LRRC49: variants seen among roughly 807,000 people sequenced by gnomAD.
LRRC49 encodes the protein leucine-rich repeat-containing protein 49.
Under a neutral mutation model 83.3 loss-of-function variants are expected in LRRC49, and 50 were observed. The ratio of observed to expected loss-of-function variants is 0.60; its 90% CI spans 0.48 to 0.76. The LOEUF is 0.76. LRRC49 is among the 30% of genes least tolerant of loss of function. The pLI is 0.00. For synonymous variants in LRRC49, 286 were observed against 283.3 expected (o/e 1.01, Z -0.10); for missense variants, 704 against 809.1 (o/e 0.87, Z 1.58).
chr15:70,971,586 T>G (rs1429087396), intron 9 of LRRC49, among the ~76,000 whole-genome samples: 1 of 152,188 alleles, frequency 6.6e-6, no homozygotes. Context: ...TCTCCCATTA[T>G]TATTGTGTGG....
At chr15:70,917,847 G>A (rs184231900) in intron 6 of LRRC49, among the ~76,000 whole-genome samples, 1 of 152,152 alleles carries the variant, frequency 6.6e-6, no homozygotes, top group African/African-American at 2.4e-5. Flanking sequence ...CACAGAATTT[G>A]GGACCCCAGA....
chr15:70,869,263 C>T (rs954637087), intron 1 of LRRC49, among the ~76,000 whole-genome samples: 1 of 152,126 alleles, frequency 6.6e-6, no homozygotes, highest in African/African-American at 2.4e-5. Flanking sequence ...GACATGTTAA[C>T]AGTAATGATT....
intron 15 of LRRC49, among the ~76,000 whole-genome samples, chr15:71,040,988 T>TC (rs2039684943): frequency 6.6e-6 from 1 of 152,122 alleles, no homozygotes; most frequent in African/African-American, 2.4e-5. Context: ...AACAGGGACT[T>TC]CATTCCCACA....
intron 9 of LRRC49, among the ~76,000 whole-genome samples, chr15:70,971,723 A>G (rs1402767201): frequency 6.6e-6 from 1 of 150,894 alleles, no homozygotes; most frequent in African/African-American, 2.4e-5. Flanking sequence ...TTATTATGCA[A>G]TGCCCTTCTT....
At chr15:70,860,312 G>A in intron 1 of LRRC49, 1 of 525,556 alleles carries the variant, frequency 1.9e-6, no homozygotes, top group East Asian at 3.3e-5. Flanking sequence ...TTTACTGCCT[G>A]GGGACACCCC....
intron 6 of LRRC49, 37 bp downstream of exon 6, chr15:70,911,635 A>G (rs2034555809): frequency 7.7e-6 from 10 of 1,307,068 alleles, no homozygotes; most frequent in South Asian, 4.1e-5. Context: ...CTTTTTTGAA[A>G]AAAAGTCCAG....
chr15:70,916,539 C>T (rs1446578077), intron 6 of LRRC49, among the ~76,000 whole-genome samples: 1 of 152,224 alleles, frequency 6.6e-6, no homozygotes, highest in African/African-American at 2.4e-5. Context: ...AAGTGATCCA[C>T]CTACCTCAGC....
At chr15:71,031,352 G>C (rs1306463124) in intron 14 of LRRC49, among the ~76,000 whole-genome samples, 1 of 152,188 alleles carries the variant, frequency 6.6e-6, no homozygotes, top group Non-Finnish European at 1.5e-5. Flanking sequence ...ATTGCTGCCT[G>C]CTCCTTCCTC....
rs527731094 is a variant in LRRC49, at chr15:70,988,225, T to C, written c.1169+3968T>C. Among the ~76,000 whole-genome samples, 1,277 of 151,408 alleles carry C rather than the reference T, an allele frequency of 8.4e-3. 3 individuals are homozygous for C. Among genetic ancestry groups the C allele is most frequent in the Non-Finnish European group, 0.014 (971 of 67,800 alleles). ...TCTGTCTCATTGATCTGTCTAATGT[T>C]GACAGTGGGGTGTTAAAGTCTCCCA... On this transcript the variant is annotated intron_variant, in intron 11 of 15. Transcript: ENST00000260382.
upstream of LRRC49, chr15:70,892,229 T>A: frequency 6.3e-7 from 1 of 1,591,296 alleles, no homozygotes; most frequent in South Asian, 1.1e-5. Flanking sequence ...CTTCCCAGAC[T>A]TGGTGGTGTT....
chr15:70,928,057 T>C (rs1161454150), intron 7 of LRRC49, among the ~76,000 whole-genome samples: 1 of 152,214 alleles, frequency 6.6e-6, no homozygotes, highest in East Asian at 1.9e-4. Flanking sequence ...TTTAAAAAAC[T>C]TGCTTTCCCC....
At chr15:71,020,561 T>G (rs886484357) in intron 14 of LRRC49, among the ~76,000 whole-genome samples, 1 of 152,008 alleles carries the variant, frequency 6.6e-6, no homozygotes, top group Admixed American at 6.6e-5. Flanking sequence ...GTGAAAAAAT[T>G]TAAAAACAAC....
At chr15:70,876,764 T>G (rs890477964) in intron 2 of LRRC49, among the ~76,000 whole-genome samples, 3 of 152,226 alleles carry the variant, frequency 2.0e-5, no homozygotes, top group Admixed American at 6.5e-5. Context: ...ATATTTTACC[T>G]TCTCAAGCCA....
rs536478537 is a variant in LRRC49, at chr15:70,858,830, G to A, written c.-299+5361G>A. 44 of 792,976 alleles carry A rather than the reference G, an allele frequency of 5.5e-5. 1 individual carries two copies. The highest frequency in any genetic ancestry group is 3.5e-4 in the South Asian group (25 of 70,644). 49.1% of individuals were successfully genotyped at this position (792,976 alleles called of 1,614,324 possible). A position where few individuals can be genotyped will look rare whatever the true frequency, so the allele number is the denominator to read the frequency against. ...CCGCATCAGCACCTGAGATTCTCCC[G>A]AGTGGGCAGCAGCAGCTTCTGGGGT... is the stretch of plus-strand genomic sequence containing the variant. On this transcript the variant is annotated intron_variant, in intron 1 of 16. Transcript: ENST00000544974.
Position 70,968,109 on chromosome 15 carries a change from G to A in LRRC49, c.921+4177G>A, listed in dbSNP as rs1596077919. Among the ~76,000 whole-genome samples the A allele has an allele frequency of 3.3e-5, 5 of 152,020 alleles. No homozygotes were observed. In the South Asian group the frequency reaches 1.0e-3, roughly 32 times the overall value. On this transcript the variant is annotated intron_variant, in intron 9 of 15. Transcript: ENST00000260382. ...ACCTATCAACCCGTAATCTGCATTA[G>A]ATATTTCTCCTAATGCTATCCCTCT...
chr15:70,989,708 T>G (rs1054117118), intron 11 of LRRC49, among the ~76,000 whole-genome samples: 3 of 152,238 alleles, frequency 2.0e-5, no homozygotes, highest in Admixed American at 6.5e-5. Context: ...AGAGGCGCTC[T>G]GCTTTTTAGA....
At chr15:71,004,315 G>A (rs2038376064) in intron 11 of LRRC49, among the ~76,000 whole-genome samples, 1 of 152,132 alleles carries the variant, frequency 6.6e-6, no homozygotes, top group Admixed American at 6.5e-5. Flanking sequence ...AAAGACACAT[G>A]CACATGTATG....
chr15:71,021,255 G>A (rs1370806743), intron 14 of LRRC49, among the ~76,000 whole-genome samples: 1 of 152,208 alleles, frequency 6.6e-6, no homozygotes, highest in Admixed American at 6.5e-5. Context: ...GTCGGAAGGA[G>A]TAAATGGAGA....
intron 14 of LRRC49, among the ~76,000 whole-genome samples, chr15:71,021,939 T>TA (rs1423226491): frequency 6.6e-6 from 1 of 152,154 alleles, no homozygotes; most frequent in Admixed American, 6.6e-5. Context: ...GAGCAACACT[T>TA]AAGGGGCCTG....
Sources: allele counts gnomAD v4.1 joint callset (sites outside exome capture counted in the v4.1 genomes callset), GRCh38; gene constraint gnomAD v4.1.1; transcripts MANE v1.5; gene names NCBI Gene and HGNC (gene_info 2026-07-23, HGNC 2026-07-21).